Variants in PTPN14 observed in about 807,000 individuals in gnomAD.
PTPN14 encodes the protein tyrosine-protein phosphatase non-receptor type 14.
In PTPN14, 53 loss-of-function variants were observed where a neutral mutation model predicts 126.8. That is an observed-to-expected ratio of 0.42 (90% CI 0.34 to 0.53). The LOEUF (loss-of-function observed/expected upper bound fraction) is 0.53, where lower values mean the gene tolerates loss of function less well. PTPN14 is among the 20% of genes least tolerant of loss of function. The probability of loss-of-function intolerance (pLI) is 0.08; values close to 1 mark genes in which losing one functional copy is unlikely to be tolerated. For missense variants in PTPN14, 1,257 were observed against 1,552.9 expected (o/e 0.81, Z 3.20); for synonymous variants, 630 against 599.3 (o/e 1.05, Z -0.75).
At chr1:214,538,701 C>G (rs1655767414) in intron 1 of PTPN14, among the ~76,000 whole-genome samples, 1 of 151,838 alleles carries the variant, frequency 6.6e-6, no homozygotes, top group Admixed American at 6.5e-5. Context: ...AACTCCCCAG[C>G]CTGCTTGCTT....
intron 1 of PTPN14, among the ~76,000 whole-genome samples, chr1:214,548,178 A>T (rs1237252623): frequency 6.6e-6 from 1 of 152,200 alleles, no homozygotes; most frequent in African/African-American, 2.4e-5. Context: ...TATGACGTCC[A>T]TCCAACATCA....
intron 1 of PTPN14, among the ~76,000 whole-genome samples, chr1:214,484,821 T>G (rs1164437649): frequency 6.6e-6 from 1 of 152,182 alleles, no homozygotes; most frequent in Non-Finnish European, 1.5e-5. Context: ...CCAAGAGGGA[T>G]GTCTTCAGGG....
At chr1:214,467,267 T>A (rs1051954624) in intron 1 of PTPN14, among the ~76,000 whole-genome samples, 10 of 151,860 alleles carry the variant, frequency 6.6e-5, no homozygotes, top group Non-Finnish European at 1.2e-4. Flanking sequence ...CCTCAACTTA[T>A]TAAAGCACAG....
chr1:214,403,093 A>G (rs1178855460), intron 5 of PTPN14, 140 bp from the exon 6 acceptor site: 2 of 771,060 alleles, frequency 2.6e-6, no homozygotes, highest in South Asian at 3.7e-5. Context: ...GTAGAATTAA[A>G]GGTTGTAATT....
intron 8 of PTPN14, among the ~76,000 whole-genome samples, chr1:214,396,414 C>G (rs964299200): frequency 6.6e-6 from 1 of 152,200 alleles, no homozygotes; most frequent in Non-Finnish European, 1.5e-5. Flanking sequence ...TGCTTCACAA[C>G]CTACAGTTCT....
chr1:214,378,404 T>C (rs1160628049), intron 13 of PTPN14, among the ~76,000 whole-genome samples: 2 of 151,962 alleles, frequency 1.3e-5, no homozygotes, highest in Admixed American at 1.3e-4. Flanking sequence ...AAAAACAAAA[T>C]AGGGTACATG....
chr1:214,452,302 T>C (rs1558108709), intron 2 of PTPN14, among the ~76,000 whole-genome samples: 1 of 152,254 alleles, frequency 6.6e-6, no homozygotes, highest in African/African-American at 2.4e-5. Flanking sequence ...CTGCCTTTTC[T>C]GTGTGCCTTC....
intron 9 of PTPN14, among the ~76,000 whole-genome samples, 190 bp from the exon 10 acceptor site, chr1:214,393,967 G>A (rs1031553343): frequency 6.6e-6 from 1 of 152,214 alleles, no homozygotes; most frequent in East Asian, 1.9e-4. Context: ...GCCTGCCAAA[G>A]AGTGGCAGAA....
intron 3 of PTPN14, among the ~76,000 whole-genome samples, chr1:214,442,974 C>T (rs986192823): frequency 2.6e-5 from 4 of 152,084 alleles, no homozygotes; most frequent in Non-Finnish European, 5.9e-5. Context: ...CAGGTATGTG[C>T]CACCATGCCA....
chr1:214,546,243 G>A (rs553228298), intron 1 of PTPN14, among the ~76,000 whole-genome samples: 126 of 152,294 alleles, frequency 8.3e-4, no homozygotes, highest in African/African-American at 3.0e-3. Context: ...TCCAGAAACC[G>A]AGGTAGGCAT....
At chr1:214,492,160 TATCAA>T (rs1219046331) in intron 1 of PTPN14, among the ~76,000 whole-genome samples, 1 of 151,842 alleles carries the variant, frequency 6.6e-6, no homozygotes, top group African/African-American at 2.4e-5. Flanking sequence ...TAAAGGAACC[TATCAA>T]ATGCAGGATA....
In PTPN14 at chr1:214,350,238, C is replaced by T. The variant is rs1345363595; in HGVS notation, c.*7684G>A. On this transcript the variant is annotated 3_prime_UTR_variant, in exon 19 of 19. Coordinates refer to ENST00000366956, the MANE Select transcript of PTPN14 (RefSeq NM_005401.5). ...TTTACCACCTGTTTCACTAGAATGG[C>T]CAGTCTGTGTAAAGAGGCTATAATG... is the stretch of plus-strand genomic sequence containing the variant. 6.6e-6 allele frequency: 1 copy of T among 152,166 alleles called. No homozygotes were observed. Among genetic ancestry groups the T allele is most frequent in the Non-Finnish European group, 1.5e-5 (1 of 68,046 alleles). 9.4% of individuals were successfully genotyped at this position (152,166 alleles called of 1,614,324 possible).
intron 2 of PTPN14, among the ~76,000 whole-genome samples, chr1:214,458,185 G>A (rs1660427846): frequency 1.3e-5 from 2 of 152,084 alleles, no homozygotes; most frequent in Admixed American, 1.3e-4. Context: ...AAGTAGCTGG[G>A]ACTACAGGCA....
At chr1:214,473,411 C>G (rs563215388) in intron 1 of PTPN14, among the ~76,000 whole-genome samples, 1 of 152,340 alleles carries the variant, frequency 6.6e-6, no homozygotes, top group South Asian at 2.1e-4. Context: ...ACCGCACTTT[C>G]TTTTTAGTTC....
At chr1:214,409,537 G>A (rs1476055881) in intron 5 of PTPN14, among the ~76,000 whole-genome samples, 3 of 152,164 alleles carry the variant, frequency 2.0e-5, no homozygotes, top group Non-Finnish European at 4.4e-5. Context: ...TGGGAGTGTA[G>A]ACATCTCTTT....
At chr1:214,403,658 T>C (rs1012388771) in intron 5 of PTPN14, among the ~76,000 whole-genome samples, 3 of 152,206 alleles carry the variant, frequency 2.0e-5, no homozygotes, top group African/African-American at 4.8e-5. Context: ...AGGATTTACA[T>C]CACAGAAATA....
At chr1:214,521,538 C>A (rs970816782) in intron 1 of PTPN14, among the ~76,000 whole-genome samples, 5 of 152,082 alleles carry the variant, frequency 3.3e-5, no homozygotes, top group African/African-American at 1.2e-4. Context: ...CATGGTGAAA[C>A]CCCATTTCTA....
intron 1 of PTPN14, among the ~76,000 whole-genome samples, chr1:214,494,539 C>T (rs936460310): frequency 6.6e-6 from 1 of 152,160 alleles, no homozygotes; most frequent in East Asian, 1.9e-4. Flanking sequence ...TTTACCCTGC[C>T]AAGTTAGCCA....
At chr1:214,499,905 A>C (rs1287131636) in intron 1 of PTPN14, among the ~76,000 whole-genome samples, 1 of 151,982 alleles carries the variant, frequency 6.6e-6, no homozygotes, top group Non-Finnish European at 1.5e-5. Flanking sequence ...TTCCTACAGG[A>C]ACTCTTACCC....
Sources: gnomAD v4.1 joint callset for allele counts (sites outside exome capture counted in the v4.1 genomes callset) on GRCh38, gnomAD v4.1.1 for gene constraint, MANE v1.5 for transcripts, NCBI Gene and HGNC (gene_info 2026-07-23, HGNC 2026-07-21) for gene names.